CDKN2AIPNL: variants seen among roughly 807,000 people sequenced by gnomAD.
CDKN2AIPNL encodes XRN2 binding domain containing 1, also known as CDKN2AIP N-terminal-like protein.
CDKN2AIPNL carries 9 observed loss-of-function variants against 12.9 expected under a neutral mutation model. That is an observed-to-expected ratio of 0.70 (90% confidence interval 0.42 to 1.22). CDKN2AIPNL has a LOEUF of 1.22. Ranked by LOEUF, CDKN2AIPNL falls within the 50% of genes most tolerant of loss-of-function variation. The pLI is 0.00. For missense variants in CDKN2AIPNL, 143 were observed against 153.6 expected (o/e 0.93, Z 0.37); for synonymous variants, 53 against 61.7 (o/e 0.86, Z 0.66).
intron 2 of CDKN2AIPNL, among the ~76,000 whole-genome samples, chr5:134,406,667 T>C (rs1158243122): frequency 6.6e-6 from 1 of 152,120 alleles, no homozygotes; most frequent in East Asian, 1.9e-4. Flanking sequence ...CTGAGGCAGG[T>C]GGATCATTTG....
chr5:134,410,627 T>G (rs1159322741), intron 1 of CDKN2AIPNL: 2 of 189,764 alleles, frequency 1.1e-5, no homozygotes, highest in Non-Finnish European at 2.2e-5. Context: ...CCCAATTCTC[T>G]GACATTTGCC....
At chr5:134,407,428 CT>C (rs1759121923) in intron 2 of CDKN2AIPNL, among the ~76,000 whole-genome samples, 1 of 152,028 alleles carries the variant, frequency 6.6e-6, no homozygotes, top group Non-Finnish European at 1.5e-5. Flanking sequence ...GTTCAGATAC[CT>C]TTCAGAAAAC....
intron 1 of CDKN2AIPNL, 109 bp downstream of exon 1, chr5:134,411,507 G>A (rs1260386889): frequency 2.2e-6 from 2 of 925,008 alleles, no homozygotes; most frequent in Non-Finnish European, 3.3e-6. Flanking sequence ...ATGGAGGTTG[G>A]GCCCGGGTTC....
In CDKN2AIPNL at chr5:134,407,887, G is replaced by A. The variant is rs188020915; in HGVS notation, c.339+2016C>T. 3.8e-3 allele frequency among the ~76,000 whole-genome samples: 580 copies of A among 152,172 alleles called. 6 individuals are homozygous for A. The highest frequency in any genetic ancestry group is 0.013 in the African/African-American group (523 of 41,514). ...GCAGTGGCTCACGCCTGTAATCCTA[G>A]CACTTTGGGAAGCTGGGCAGATCAC... On this transcript the variant is annotated intron_variant, in intron 2 of 2. Transcript: ENST00000458198.
Position 134,402,778 on chromosome 5 carries a change from G to C in CDKN2AIPNL, c.*137C>G. On this transcript the variant is annotated 3_prime_UTR_variant, in exon 3 of 3. Coordinates refer to ENST00000458198, the MANE Select transcript of CDKN2AIPNL (RefSeq NM_080656.3). ...TGTTAAAAAAGCCAATCTAGACAGA[G>C]TCCTTCTCATTCCACCTGCCTCTTT... The C allele has an allele frequency of 1.5e-6, 1 of 677,196 alleles. No individual in the cohort carries two copies. 41.9% of individuals were successfully genotyped at this position (677,196 alleles called of 1,614,324 possible). A position where few individuals can be genotyped will look rare whatever the true frequency, so the allele number is the denominator to read the frequency against.
At chr5:134,403,786 G>A (rs956036424) in intron 2 of CDKN2AIPNL, among the ~76,000 whole-genome samples, 1 of 152,048 alleles carries the variant, frequency 6.6e-6, no homozygotes, top group Non-Finnish European at 1.5e-5. Flanking sequence ...CACTGCGCCC[G>A]GCTAATTTTT....
At chr5:134,404,596 G>A (rs1351942290) in intron 2 of CDKN2AIPNL, among the ~76,000 whole-genome samples, 1 of 151,154 alleles carries the variant, frequency 6.6e-6, no homozygotes, top group Non-Finnish European at 1.5e-5. Flanking sequence ...CCAAAGTGCT[G>A]GGATTACAGG....
In CDKN2AIPNL at chr5:134,411,635, G is replaced by A; in HGVS notation, c.220C>T (p.His74Tyr). 1 of 1,612,830 alleles carries A rather than the reference G, an allele frequency of 6.2e-7. No homozygotes were observed. The highest frequency in any genetic ancestry group is 8.5e-7 in the Non-Finnish European group (1 of 1,179,720). Reference protein sequence around the residue: ...LLSLSMVWANHLFLGCSYNKD... With the variant: ...LLSLSMVWANYLFLGCSYNKD... ...CCGCACCTGCAGCCTAGGAAGAGAT[G>A]GTTGGCCCAGACCATGGAGAGGGAG... Residue 74 changes from histidine (H) to tyrosine (Y), a missense_variant, in exon 1 of 3, where the codon CAT (histidine) becomes TAT (tyrosine). His to Tyr is a moderately conservative substitution (Grantham distance 83, BLOSUM62 2). Transcript: ENST00000458198.
Position 134,402,808 on chromosome 5 carries a change from T to G in CDKN2AIPNL, c.*107A>C, listed in dbSNP as rs139659191. The G allele has an allele frequency of 8.8e-4, 816 of 928,306 alleles. 5 individuals carry two copies. The African/African-American group carries it at 0.013, about 14-fold the overall frequency. The allele number at this position is 928,306 out of a possible 1,614,324, so 57.5% of individuals were successfully genotyped here. Reference sequence around the variant, plus strand: ...TCTCATTCCACCTGCCTCTTTATGTTGGTAATACCAGGAGTCTTAAGAGAG... The same window carrying G: ...TCTCATTCCACCTGCCTCTTTATGTGGGTAATACCAGGAGTCTTAAGAGAG... On this transcript the variant is annotated 3_prime_UTR_variant, in exon 3 of 3. Transcript: ENST00000458198.
At chr5:134,408,325 A>C (rs1299418257) in intron 2 of CDKN2AIPNL, among the ~76,000 whole-genome samples, 1 of 151,734 alleles carries the variant, frequency 6.6e-6, no homozygotes, top group East Asian at 1.9e-4. Context: ...AAAAAGCCAC[A>C]CACTCCCAAT....
chr5:134,407,636 G>A (rs915125691), intron 2 of CDKN2AIPNL, among the ~76,000 whole-genome samples: 8 of 152,062 alleles, frequency 5.3e-5, no homozygotes, highest in Admixed American at 2.6e-4. Flanking sequence ...ATAGCCGCGC[G>A]TGGTGGCAGG....
chr5:134,406,988 A>G (rs950104415), intron 2 of CDKN2AIPNL, among the ~76,000 whole-genome samples: 15 of 152,236 alleles, frequency 9.9e-5, no homozygotes, highest in East Asian at 3.8e-4. Context: ...TTAGAAAAAC[A>G]TAAGTTTTAT....
chr5:134,408,616 C>T (rs536335318), intron 2 of CDKN2AIPNL, among the ~76,000 whole-genome samples: 23 of 151,776 alleles, frequency 1.5e-4, no homozygotes, highest in African/African-American at 5.6e-4. Flanking sequence ...ACCTGGGAGG[C>T]AGAGCTTGCA....
chr5:134,409,382 T>C (rs979864758), intron 2 of CDKN2AIPNL, among the ~76,000 whole-genome samples: 1 of 152,222 alleles, frequency 6.6e-6, no homozygotes, highest in Non-Finnish European at 1.5e-5. Flanking sequence ...CCAGCTCCAG[T>C]GTCCAGATTC....
chr5:134,404,529 T>C (rs918017589), intron 2 of CDKN2AIPNL, among the ~76,000 whole-genome samples: 1 of 152,144 alleles, frequency 6.6e-6, no homozygotes, highest in East Asian at 1.9e-4. Context: ...AGTCTCACTA[T>C]GCTGCCCAGG....
chr5:134,404,698 AGCG>A (rs1453506700), intron 2 of CDKN2AIPNL, among the ~76,000 whole-genome samples: 1 of 151,764 alleles, frequency 6.6e-6, no homozygotes, highest in Non-Finnish European at 1.5e-5. Context: ...CCACCAAGGG[AGCG>A]GCAGCTCTAG....
At chr5:134,407,256 AACACACACACACACACACACACACAC>A (rs5871539) in intron 2 of CDKN2AIPNL, among the ~76,000 whole-genome samples, 5 of 139,608 alleles carry the variant, frequency 3.6e-5, no homozygotes, top group African/African-American at 5.4e-5. Context: ...GACCCTTCCT[AACACACACACACACACACACACACAC>A]ACACACACAC....
Position 134,402,931 on chromosome 5 carries a change from GAAA to G in CDKN2AIPNL, c.340-8_340-6del, listed in dbSNP as rs1247179849. ...TCTTCTGGCTTAGCTTTGATGCTGG[GAAA>G]AAAAGAAAAGAAAAGGTTACATAAC... is the stretch of plus-strand genomic sequence containing the variant. On this transcript the variant is annotated splice_region_variant and splice_polypyrimidine_tract_variant and intron_variant, in intron 2 of 2. Coordinates refer to ENST00000458198, the MANE Select transcript of CDKN2AIPNL (RefSeq NM_080656.3). The G allele has an allele frequency of 6.2e-7, 1 of 1,603,626 alleles. No individual in the cohort carries two copies.
At chr5:134,405,211 T>A in intron 2 of CDKN2AIPNL, among the ~76,000 whole-genome samples, 1 of 151,140 alleles carries the variant, frequency 6.6e-6, no homozygotes, top group South Asian at 2.1e-4. Flanking sequence ...GTTCACGCCA[T>A]TCTCCTGCCT....
Sources: allele counts gnomAD v4.1 joint callset (sites outside exome capture counted in the v4.1 genomes callset), GRCh38; gene constraint gnomAD v4.1.1; transcripts MANE v1.5; gene names NCBI Gene and HGNC (gene_info 2026-07-23, HGNC 2026-07-21).